The following C12orf56 variants were observed in gnomAD, a reference collection of about 807,000 sequenced individuals.
C12orf56 encodes the protein chromosome 12 open reading frame 56.
C12orf56 carries 71 observed loss-of-function variants against 69.9 expected under a neutral mutation model. The observed-to-expected ratio is 1.02, with a 90% confidence interval of 0.84 to 1.24. The LOEUF is 1.24. Ranked by LOEUF, C12orf56 falls within the 50% of genes most tolerant of loss-of-function variation. C12orf56 has a pLI of 0.00. For missense variants in C12orf56, 732 were observed against 738.5 expected, an observed-to-expected ratio of 0.99 and a Z score of 0.10; for synonymous variants, 276 against 274.1, an observed-to-expected ratio of 1.01 and a Z score of -0.07.
At chr12:64,352,159 G>T (rs952845852) in intron 2 of C12orf56, among the ~76,000 whole-genome samples, 1 of 151,166 alleles carries the variant, frequency 6.6e-6, no homozygotes, top group Admixed American at 6.6e-5. Context: ...CCTCTCCCTG[G>T]GCAAACAAGT....
chr12:64,304,928 G>C (rs1360283253), intron 5 of C12orf56, among the ~76,000 whole-genome samples: 11 of 152,122 alleles, frequency 7.2e-5, no homozygotes, highest in Admixed American at 7.2e-4. Flanking sequence ...TAGATTGATG[G>C]AATCTTAAAA....
intron 1 of C12orf56, among the ~76,000 whole-genome samples, chr12:64,382,927 T>A (rs1274380037): frequency 6.6e-6 from 1 of 151,156 alleles, no homozygotes; most frequent in Non-Finnish European, 1.5e-5. Context: ...CCTAACCAAC[T>A]CCATCTGGCT....
At chr12:64,390,231 C>G in intron 1 of C12orf56, 83 bp downstream of exon 1, 1 of 1,458,834 alleles carries the variant, frequency 6.9e-7, no homozygotes, top group Non-Finnish European at 9.0e-7. Context: ...CAGCCCTCCC[C>G]GCGCAGGAGG....
chr12:64,390,119 G>C (rs1389736019), intron 1 of C12orf56, among the ~76,000 whole-genome samples, 195 bp downstream of exon 1: 1 of 152,172 alleles, frequency 6.6e-6, no homozygotes, highest in Non-Finnish European at 1.5e-5. Flanking sequence ...GACACGAGGA[G>C]AATGGGAGAC....
chr12:64,353,012 G>A lies in C12orf56; in HGVS notation c.297C>T (p.Ile99=), dbSNP rs779788220. The A allele has an allele frequency of 1.9e-6, 3 of 1,611,198 alleles. No individual in the cohort carries two copies. In the South Asian group the frequency reaches 3.3e-5, roughly 18 times the overall value. ...PEFLSSPDRE[I]SQHIRIIYSS... ...AATAGATGATACGAATGTGTTGGCT[G>A]ATTTCTCTATCTGGCGAACTCAAAA... Residue 99 remains isoleucine (I), a synonymous_variant, in exon 2 of 13, where the codon ATC becomes ATT. Coordinates refer to ENST00000543942, the MANE Select transcript of C12orf56 (RefSeq NM_001170633.2).
chr12:64,298,131 G>A (rs1345358419), intron 6 of C12orf56, among the ~76,000 whole-genome samples: 1 of 135,242 alleles, frequency 7.4e-6, no homozygotes, highest in Non-Finnish European at 1.6e-5. Context: ...TTTCTCTAAT[G>A]ACCAGTGATG....
intron 9 of C12orf56, among the ~76,000 whole-genome samples, chr12:64,276,992 TTAAAAA>T (rs1565734833): frequency 4.8e-4 from 1 of 2,098 alleles, no homozygotes; most frequent in East Asian, 9.6e-3. Context: ...AAACCCTTTC[TTAAAAA>T]AAAAAAAAAA....
At chr12:64,333,728 C>G (rs1046745442) in intron 2 of C12orf56, among the ~76,000 whole-genome samples, 1 of 152,208 alleles carries the variant, frequency 6.6e-6, no homozygotes, top group Non-Finnish European at 1.5e-5. Context: ...TCTCAAACTG[C>G]TGATCTCAAG....
At chr12:64,285,649 G>T (rs1203331842) in intron 7 of C12orf56, among the ~76,000 whole-genome samples, 2 of 152,010 alleles carry the variant, frequency 1.3e-5, no homozygotes, top group Non-Finnish European at 2.9e-5. Flanking sequence ...TTAGCCAGGC[G>T]TGGTGGCGTA....
chr12:64,272,026 A>G (rs1390047251), intron 11 of C12orf56, among the ~76,000 whole-genome samples: 1 of 152,114 alleles, frequency 6.6e-6, no homozygotes, highest in East Asian at 1.9e-4. Context: ...ACTCAACCCA[A>G]TTCCTTTGGT....
At chr12:64,382,521 A>G (rs182293645) in intron 1 of C12orf56, among the ~76,000 whole-genome samples, 2 of 152,268 alleles carry the variant, frequency 1.3e-5, no homozygotes, top group East Asian at 3.9e-4. Context: ...TCTTTTAAGT[A>G]TATTTAATTT....
chr12:64,322,116 A>AT lies in C12orf56; in HGVS notation c.489-3137dup, dbSNP rs377586981. Among the ~76,000 whole-genome samples the AT allele has an allele frequency of 1.3e-3, 192 of 151,804 alleles. 1 individual carries two copies. The highest frequency in any genetic ancestry group is 4.3e-3 in the African/African-American group (177 of 41,398). On this transcript the variant is annotated intron_variant, in intron 3 of 12. Transcript: ENST00000543942. ...AGCCTAGGCCTCCCAAAGTGCTAGGATTACAGGCATGAGCCATTGTGCCTG... is the reference window on the plus strand; with the variant it reads ...AGCCTAGGCCTCCCAAAGTGCTAGGATTTACAGGCATGAGCCATTGTGCCTG...
At position 64,328,692 on chromosome 12, in the gene C12orf56, AAAAAAAAAAAAAAAATATATATATAT is replaced by A. The variant is rs1393721785; in HGVS notation, c.488+2242_488+2267del. ...AAGACTCCATCTCAAAAAAAAAAAA[AAAAAAAAAAAAAAAATATATATATAT>A]ATATATATATATATATATAGTATCA... On this transcript the variant is annotated intron_variant, in intron 3 of 12. Coordinates refer to ENST00000543942, the MANE Select transcript of C12orf56 (RefSeq NM_001170633.2). 5.6e-4 allele frequency among the ~76,000 whole-genome samples: 11 copies of A among 19,580 alleles called. 1 individual carries two copies. The highest frequency in any genetic ancestry group is 1.9e-3 in the African/African-American group (11 of 5,816). The allele number at this position is 19,580 out of a possible 152,430, so 12.8% of individuals were successfully genotyped here. A position where few individuals can be genotyped will look rare whatever the true frequency, so the allele number is the denominator to read the frequency against.
intron 1 of C12orf56, among the ~76,000 whole-genome samples, chr12:64,358,482 A>AATAATAATAATAATAATCATC (rs11275269): frequency 1.7e-4 from 21 of 125,948 alleles, no homozygotes; most frequent in South Asian, 8.1e-4. Flanking sequence ...TAATAATAAT[A>AATAATAATAATAATAATCATC]ATCATCATCA....
chr12:64,386,405 T>A (rs1341367572), intron 1 of C12orf56, among the ~76,000 whole-genome samples: 3 of 146,722 alleles, frequency 2.0e-5, no homozygotes, highest in African/African-American at 2.5e-5. Context: ...TATATTTTTT[T>A]TTTTTTTTGA....
At chr12:64,270,894 A>G (rs1978794) in intron 11 of C12orf56, among the ~76,000 whole-genome samples, 180 bp from the exon 12 acceptor site, 107,044 of 152,206 alleles carry the variant, frequency 0.7, 38,836 homozygotes, top group Non-Finnish European at 0.8. Context: ...GAAGCTGGGC[A>G]TGGTGGCTCA....
intron 1 of C12orf56, among the ~76,000 whole-genome samples, chr12:64,388,718 G>A (rs1413680145): frequency 6.6e-6 from 1 of 152,218 alleles, no homozygotes; most frequent in Admixed American, 6.5e-5. Flanking sequence ...TTAGCCAGCT[G>A]TGATGGCATG....
rs138413468 is a variant in C12orf56 at position 64,376,081 on chromosome 12, G to T, written c.252+14233C>A. ...AGATGAGATGCACCAAAACTGCAAC[G>T]CCTGCAGCCAACATTGGTCAATAGG... On this transcript the variant is annotated intron_variant, in intron 1 of 12. Coordinates refer to ENST00000543942, the MANE Select transcript of C12orf56 (RefSeq NM_001170633.2). Among the ~76,000 whole-genome samples the T allele has an allele frequency of 2.0e-5, 3 of 152,022 alleles. 1 individual carries two copies. Among genetic ancestry groups the T allele is most frequent in the African/African-American group, 7.2e-5 (3 of 41,400 alleles).
chr12:64,326,012 C>G (rs2038834107), intron 3 of C12orf56, among the ~76,000 whole-genome samples: 4 of 152,028 alleles, frequency 2.6e-5, no homozygotes, highest in Admixed American at 2.0e-4. Flanking sequence ...TGCCTCTAGC[C>G]AAGATGGAGT....
Sources: allele counts gnomAD v4.1 joint callset (sites outside exome capture counted in the v4.1 genomes callset), GRCh38; gene constraint gnomAD v4.1.1; transcripts MANE v1.5; gene names NCBI Gene and HGNC (gene_info 2026-07-23, HGNC 2026-07-21).